PPP2R5C: variants seen among roughly 807,000 people sequenced by gnomAD.
PPP2R5C encodes the protein serine/threonine-protein phosphatase 2A 56 kDa regulatory subunit gamma isoform.
A neutral mutation model predicts 68.9 loss-of-function variants in PPP2R5C; 7 were observed. That is an observed-to-expected ratio of 0.10 (90% confidence interval 0.06 to 0.19). The LOEUF (loss-of-function observed/expected upper bound fraction) is 0.19, where lower values mean the gene tolerates loss of function less well. Among genes scored for constraint, PPP2R5C ranks in the 10% least tolerant of loss-of-function variants. The pLI is 1.00. For synonymous variants in PPP2R5C, 210 were observed against 222.2 expected (o/e 0.95, Z 0.49); for missense variants, 348 against 641.3 (o/e 0.54, Z 4.94).
At chr14:101,763,354 G>A (rs992159847) in intron 2 of PPP2R5C, among the ~76,000 whole-genome samples, 1 of 151,376 alleles carries the variant, frequency 6.6e-6, no homozygotes, top group Admixed American at 6.6e-5. Context: ...CCAAGTAGCT[G>A]GGACCACAGG....
chr14:101,896,600 G>A (rs1404002846), intron 8 of PPP2R5C, among the ~76,000 whole-genome samples: 3 of 148,544 alleles, frequency 2.0e-5, no homozygotes, highest in Non-Finnish European at 4.4e-5. Flanking sequence ...CAGGCATGAT[G>A]GCGTGTGCCT....
intron 2 of PPP2R5C, among the ~76,000 whole-genome samples, chr14:101,872,906 A>T (rs1451048385): frequency 6.6e-6 from 1 of 150,424 alleles, no homozygotes; most frequent in East Asian, 1.9e-4. Context: ...GTTGATGCTG[A>T]TGCTCTATTT....
chr14:101,804,653 G>A (rs911432648), intron 3 of PPP2R5C, among the ~76,000 whole-genome samples: 1 of 151,898 alleles, frequency 6.6e-6, no homozygotes, highest in African/African-American at 2.4e-5. Context: ...ATATTCATGG[G>A]ATCTAAAAAT....
chr14:101,918,128 A>G (rs1251452312), intron 13 of PPP2R5C, among the ~76,000 whole-genome samples, 181 bp downstream of exon 15: 1 of 116,024 alleles, frequency 8.6e-6, no homozygotes, highest in Non-Finnish European at 1.8e-5. Context: ...TACTAGAAAC[A>G]GTTTTTAAGG....
At chr14:101,778,657 G>C (rs752284204) in intron 2 of PPP2R5C, among the ~76,000 whole-genome samples, 3 of 152,116 alleles carry the variant, frequency 2.0e-5, no homozygotes, top group Non-Finnish European at 4.4e-5. Context: ...TGTTAAAGAC[G>C]CTGTTCTTTC....
At chr14:101,786,389 A>T (rs1404365362) in intron 3 of PPP2R5C, among the ~76,000 whole-genome samples, 1 of 152,118 alleles carries the variant, frequency 6.6e-6, no homozygotes, top group Non-Finnish European at 1.5e-5. Context: ...TATTCAAGAT[A>T]AAAGTTTAAC....
chr14:101,850,786 C>T (rs927693024), intron 1 of PPP2R5C, among the ~76,000 whole-genome samples: 1 of 152,120 alleles, frequency 6.6e-6, no homozygotes, highest in Non-Finnish European at 1.5e-5. Flanking sequence ...CAAAAAGTGG[C>T]ATGTGAATAT....
At chr14:101,901,252 T>C (rs1484393769) in intron 8 of PPP2R5C, among the ~76,000 whole-genome samples, 2 of 152,234 alleles carry the variant, frequency 1.3e-5, no homozygotes, top group South Asian at 4.1e-4. Context: ...TTCTAAATTA[T>C]TGTCCTAACT....
intron 2 of PPP2R5C, chr14:101,765,150 C>T (rs2036785315): frequency 1.4e-6 from 1 of 702,488 alleles, no homozygotes; most frequent in Non-Finnish European, 2.6e-6. Flanking sequence ...TGTATTTTTT[C>T]TAGTGCTACT....
At chr14:101,847,102 G>A (rs1052816977) in intron 1 of PPP2R5C, among the ~76,000 whole-genome samples, 2 of 152,178 alleles carry the variant, frequency 1.3e-5, no homozygotes, top group Non-Finnish European at 2.9e-5. Context: ...AATTACCTGA[G>A]TTTGTTTTCC....
intron 1 of PPP2R5C, among the ~76,000 whole-genome samples, chr14:101,814,413 T>C (rs950378823): frequency 9.2e-5 from 14 of 152,200 alleles, no homozygotes; most frequent in African/African-American, 2.7e-4. Flanking sequence ...AAGTAACAGA[T>C]AACTCTCTGA....
intron 9 of PPP2R5C, 57 bp downstream of exon 11, chr14:101,901,946 A>C: frequency 6.4e-7 from 1 of 1,566,760 alleles, no homozygotes; most frequent in Non-Finnish European, 8.7e-7. Flanking sequence ...TGGGAAAGGA[A>C]AAGTTCCATG....
chr14:101,885,074 G>A (rs1419251924), intron 5 of PPP2R5C, among the ~76,000 whole-genome samples: 9 of 152,198 alleles, frequency 5.9e-5, no homozygotes, highest in Admixed American at 1.3e-4. Flanking sequence ...TGGTGGGGAC[G>A]GTATGATGGC....
chr14:101,792,657 C>G (rs2038412466), intron 3 of PPP2R5C, among the ~76,000 whole-genome samples: 1 of 152,144 alleles, frequency 6.6e-6, no homozygotes, highest in Non-Finnish European at 1.5e-5. Context: ...TTGTTGATTT[C>G]AGTGTGTTTT....
chr14:101,853,239 T>C (rs1044221742), intron 1 of PPP2R5C, among the ~76,000 whole-genome samples: 1 of 152,158 alleles, frequency 6.6e-6, no homozygotes, highest in Non-Finnish European at 1.5e-5. Flanking sequence ...TACAGGTTTT[T>C]TTTAAAACAG....
At chr14:101,893,411 A>G (rs1431381313) in intron 7 of PPP2R5C, among the ~76,000 whole-genome samples, 3 of 152,244 alleles carry the variant, frequency 2.0e-5, no homozygotes, top group African/African-American at 7.2e-5. Flanking sequence ...TCTAAAATTC[A>G]GTACCTTAAA....
chr14:101,897,979 ACCT>A (rs2045452497), intron 8 of PPP2R5C, among the ~76,000 whole-genome samples: 1 of 148,224 alleles, frequency 6.7e-6, no homozygotes, highest in South Asian at 2.1e-4. Context: ...ACATAGTGAG[ACCT>A]CCTCTCTACC....
At chr14:101,904,897 C>T (rs2045935627) in intron 9 of PPP2R5C, among the ~76,000 whole-genome samples, 1 of 152,198 alleles carries the variant, frequency 6.6e-6, no homozygotes, top group East Asian at 1.9e-4. Context: ...GTGACTGCCT[C>T]GAACTCCCAG....
Position 101,854,573 on chromosome 14 carries a change from G to A in PPP2R5C, c.95-2113G>A, listed in dbSNP as rs553714050. 4.0e-4 allele frequency among the ~76,000 whole-genome samples: 61 copies of A among 152,294 alleles called. No individual in the cohort carries two copies. The South Asian group carries it at 0.011, about 27-fold the overall frequency. On this transcript the variant is annotated intron_variant, in intron 1 of 13. Transcript: ENST00000334743. ...GGAAGTTGACAGTAGGGGCAGGGAA[G>A]GGCAAGAGGAGTGTGGAAATGCTCG...
Sources: allele counts gnomAD v4.1 joint callset (sites outside exome capture counted in the v4.1 genomes callset), GRCh38; gene constraint gnomAD v4.1.1; transcripts MANE v1.5; gene names NCBI Gene and HGNC (gene_info 2026-07-23, HGNC 2026-07-21).